The following ZNF236 variants were observed in gnomAD, a reference collection of about 807,000 sequenced individuals.
ZNF236 encodes the protein zinc finger protein 236.
Under a neutral mutation model 191.2 loss-of-function variants are expected in ZNF236, and 50 were observed. The observed-to-expected ratio is 0.26, with a 90% CI of 0.21 to 0.33. The LOEUF is 0.33. ZNF236 is among the 10% of genes least tolerant of loss of function. ZNF236 has a pLI of 1.00. For synonymous variants in ZNF236, 907 were observed against 928.8 expected (o/e 0.98, Z 0.43); for missense variants, 1,754 against 2,374.5 (o/e 0.74, Z 5.43).
At chr18:76,953,895 A>G (rs1968465581) in intron 27 of ZNF236, among the ~76,000 whole-genome samples, 1 of 152,124 alleles carries the variant, frequency 6.6e-6, no homozygotes, top group East Asian at 1.9e-4. Flanking sequence ...TCTGCTTTCC[A>G]ACAGCCACAC....
chr18:76,877,225 T>C (rs1218041838), intron 6 of ZNF236, among the ~76,000 whole-genome samples: 5 of 152,190 alleles, frequency 3.3e-5, no homozygotes, highest in African/African-American at 1.2e-4. Flanking sequence ...AATTAGTTGT[T>C]AGGCCAGGTG....
intron 1 of ZNF236, among the ~76,000 whole-genome samples, chr18:76,827,191 C>T (rs148258937): frequency 2.4e-3 from 355 of 149,784 alleles, no homozygotes; most frequent in Admixed American, 3.6e-3. Flanking sequence ...CCACAGTGCC[C>T]GGCCTGTTGT....
chr18:76,869,627 A>C (rs114197069), intron 4 of ZNF236, among the ~76,000 whole-genome samples: 4,371 of 152,270 alleles, frequency 0.029, 202 homozygotes, highest in African/African-American at 0.09. Flanking sequence ...ATCAGTTTTC[A>C]CACTAATTTA....
At position 76,915,678 on chromosome 18, in the gene ZNF236, T is replaced by C. The variant is rs1168106166; in HGVS notation, c.3093T>C (p.Asn1031=). Reference sequence around the variant, plus strand: ...AGGCGTTCAGCTGCAGTGTGTGCAATGCTTCCTTCACCACCAATGGCAGCC... The same window carrying C: ...AGGCGTTCAGCTGCAGTGTGTGCAACGCTTCCTTCACCACCAATGGCAGCC... ...GVKAFSCSVC[N]ASFTTNGSLT... Residue 1031 remains asparagine, a synonymous_variant, in exon 19 of 31, where the codon AAT becomes AAC. Coordinates refer to ENST00000320610, the MANE Select transcript of ZNF236 (RefSeq NM_001306089.2). 6.2e-7 allele frequency: 1 copy of C among 1,614,096 alleles called. No individual in the cohort carries two copies. The highest frequency in any genetic ancestry group is 2.2e-5 in the East Asian group (1 of 44,888).
chr18:76,948,867 A>G (rs910394927), intron 27 of ZNF236, among the ~76,000 whole-genome samples: 1 of 152,202 alleles, frequency 6.6e-6, no homozygotes, highest in African/African-American at 2.4e-5. Context: ...TGAAACAAAA[A>G]CAGGCCTTCA....
intron 3 of ZNF236, among the ~76,000 whole-genome samples, chr18:76,862,890 G>A (rs1246710644): frequency 6.6e-6 from 1 of 152,220 alleles, no homozygotes; most frequent in Non-Finnish European, 1.5e-5. Flanking sequence ...AACAAGGAAA[G>A]AGCGGTATCA....
In ZNF236 at chr18:76,959,812, T is replaced by C. The variant is rs470403; in HGVS notation, c.5238T>C (p.His1746=). The C allele has an allele frequency of 0.65, 1,041,721 of 1,613,142 alleles. 338,131 individuals carry two copies. Among genetic ancestry groups the C allele is most frequent in the Middle Eastern group, 0.71 (4,259 of 6,030 alleles). ...PSQLERHSRI[H]TGERPFHCTL... is the part of the protein sequence containing the mutation. The stretch of plus-strand genomic sequence containing the variant: ...AGCTGGAGCGCCACAGCCGCATACA[T>C]ACAGGTAACGGGGAAGGACGTGCTT... Residue 1746 remains histidine, a synonymous_variant, in exon 29 of 31, where the codon CAT becomes CAC. Transcript: ENST00000320610.
rs778242204 is a variant in ZNF236 at position 76,955,993 on chromosome 18, C to T, written c.4923C>T (p.Gly1641=). ...ACEEIAYQVA[G]VSGNLAPGNQ... ...TTTCTGGCTCTTTCCAGGTAGCTGG[C>T]GTCTCTGGGAACCTGGCCCCGGGCA... is the stretch of plus-strand genomic sequence containing the variant. The change falls in exon 28 of 31, where the codon GGC becomes GGT. Residue 1641 remains glycine (G), a synonymous_variant. Transcript: ENST00000320610. 9.9e-6 allele frequency: 16 copies of T among 1,608,568 alleles called. No individual in the cohort carries two copies. Among genetic ancestry groups the T allele is most frequent in the South Asian group, 4.4e-5 (4 of 90,110 alleles).
chr18:76,852,017 A>T lies in ZNF236; in HGVS notation c.363+78A>T, dbSNP rs1475256094. The stretch of plus-strand genomic sequence containing the variant: ...TGATCATGAGTCAGGAGGATTTTAG[A>T]TATAAACTTGTTTTGAAAGCCTTTT... On this transcript the variant is annotated intron_variant, in intron 3 of 30. Coordinates refer to ENST00000320610, the MANE Select transcript of ZNF236 (RefSeq NM_001306089.2). 4 of 1,437,682 alleles carry T rather than the reference A, an allele frequency of 2.8e-6. No individual in the cohort carries two copies. In the African/African-American group the frequency reaches 5.7e-5, roughly 21 times the overall value. The allele number at this position is 1,437,682 out of a possible 1,614,324, so 89.1% of individuals were successfully genotyped here.
At chr18:76,854,570 A>G (rs1031870620) in intron 3 of ZNF236, among the ~76,000 whole-genome samples, 7 of 137,976 alleles carry the variant, frequency 5.1e-5, no homozygotes, top group East Asian at 2.0e-4. Context: ...CCTGGGCAAC[A>G]TAGACTGTCA....
intron 3 of ZNF236, among the ~76,000 whole-genome samples, chr18:76,856,644 G>A (rs9952052): frequency 0.71 from 107,914 of 151,986 alleles, 39,151 homozygotes; most frequent in African/African-American, 0.86. Flanking sequence ...TTTTAATTAA[G>A]TAATTTTTTT....
At chr18:76,858,365 C>T (rs925058906) in intron 3 of ZNF236, among the ~76,000 whole-genome samples, 1 of 152,196 alleles carries the variant, frequency 6.6e-6, no homozygotes, top group Non-Finnish European at 1.5e-5. Context: ...CACCTCCCCC[C>T]TTCTCCCTTT....
At chr18:76,822,888 C>T (rs1202784604) in intron 1 of ZNF236, among the ~76,000 whole-genome samples, 12 of 147,766 alleles carry the variant, frequency 8.1e-5, no homozygotes, top group Non-Finnish European at 1.5e-4. Flanking sequence ...GGCCTACTTT[C>T]CTGGGCCGGG....
At chr18:76,941,580 G>GC (rs1035169625) in intron 26 of ZNF236, among the ~76,000 whole-genome samples, 1 of 152,136 alleles carries the variant, frequency 6.6e-6, no homozygotes, top group Admixed American at 6.5e-5. Context: ...CTTCCCTGCT[G>GC]CCCCCCTCAG....
At chr18:76,851,684 A>G (rs577651795) in intron 2 of ZNF236, 91 bp from the exon 3 acceptor site, 29 of 1,388,716 alleles carry the variant, frequency 2.1e-5, no homozygotes, top group East Asian at 1.5e-4. Flanking sequence ...TTGTCTGTAC[A>G]TTATGGTACT....
At position 76,909,940 on chromosome 18, in the gene ZNF236, C is replaced by G. The variant is rs1043594016; in HGVS notation, c.2552-128C>G. 1.1e-5 allele frequency: 7 copies of G among 630,944 alleles called. No individual in the cohort carries two copies. In the African/African-American group the frequency reaches 1.3e-4, roughly 11 times the overall value. The allele number at this position is 630,944 out of a possible 1,614,324, so 39.1% of individuals were successfully genotyped here. ...AGCATATGTATGTATTAAATTATCT[C>G]CCTGTTTTCTTTTCAAAATAAGGTG... is the stretch of plus-strand genomic sequence containing the variant. On this transcript the variant is annotated intron_variant, in intron 14 of 30. Transcript: ENST00000320610.
chr18:76,950,330 G>C (rs114137411), intron 27 of ZNF236, among the ~76,000 whole-genome samples: 4 of 152,142 alleles, frequency 2.6e-5, no homozygotes. Flanking sequence ...ATCTTTTGTT[G>C]TAATTTCAAC....
chr18:76,902,643 C>G (rs574899000), intron 11 of ZNF236, among the ~76,000 whole-genome samples: 13 of 152,306 alleles, frequency 8.5e-5, no homozygotes, highest in Middle Eastern at 3.4e-3. Flanking sequence ...ACGATCTCGG[C>G]TCACTGCAAC....
chr18:76,908,345 C>A lies in ZNF236; in HGVS notation c.2323C>A (p.Gln775Lys). 6.2e-7 allele frequency: 1 copy of A among 1,613,900 alleles called. No homozygotes were observed. Among genetic ancestry groups the A allele is most frequent in the Non-Finnish European group, 8.5e-7 (1 of 1,179,852 alleles). Residue 775 changes from glutamine (Q) to lysine (K), a missense_variant, in exon 14 of 31, where the codon CAG becomes AAG. Gln to Lys is a moderately conservative substitution (Grantham distance 53). Around this residue, in one of 5 missense-constraint regions of ZNF236, gnomAD observed 641 missense variants for 869.6 expected, o/e 0.74. Transcript: ENST00000320610. ...ATATGAGCTTGCCCAGCAGCTCCAA[C>A]AGCATCAGCAGGCAGCCTCGATAGA... ...HRYELAQQLQ[Q>K]HQQAASIDDS...
Sources: allele counts gnomAD v4.1 joint callset (sites outside exome capture counted in the v4.1 genomes callset), GRCh38; gene constraint gnomAD v4.1.1; regional missense constraint gnomAD v4.1.1; transcripts MANE v1.5; gene names NCBI Gene and HGNC (gene_info 2026-07-23, HGNC 2026-07-21).